The following NPAS3 variants were observed in gnomAD, a reference collection of about 807,000 sequenced individuals.
NPAS3 encodes the protein neuronal PAS domain-containing protein 3.
In NPAS3, 14 loss-of-function variants were observed where a neutral mutation model predicts 73.1. The ratio of observed to expected loss-of-function variants is 0.19; its 90% CI spans 0.13 to 0.30. The LOEUF is 0.30. Ranked by LOEUF, NPAS3 falls within the 10% of genes least tolerant of loss-of-function variation. The probability of loss-of-function intolerance (pLI) is 1.00; values close to 1 mark genes in which losing one functional copy is unlikely to be tolerated. For missense variants in NPAS3, 1,096 were observed against 1,250.0 expected (o/e 0.88, Z 1.86); for synonymous variants, 620 against 541.5 (o/e 1.14, Z -2.01).
chr14:33,177,239 G>A (rs2139416937), intron 2 of NPAS3, among the ~76,000 whole-genome samples: 1 of 151,868 alleles, frequency 6.6e-6, no homozygotes, highest in South Asian at 2.1e-4. Context: ...TGGGACCACA[G>A]ATGCCTGCCA....
At chr14:33,789,599 T>C (rs2063288136) in intron 9 of NPAS3, among the ~76,000 whole-genome samples, 1 of 130,758 alleles carries the variant, frequency 7.6e-6, no homozygotes, top group Non-Finnish European at 1.6e-5. Flanking sequence ...TTTTTTTTTT[T>C]TTTTTTTGAG....
At chr14:33,539,828 T>C (rs1279024732) in intron 4 of NPAS3, among the ~76,000 whole-genome samples, 2 of 152,212 alleles carry the variant, frequency 1.3e-5, no homozygotes, top group Non-Finnish European at 2.9e-5. Flanking sequence ...ATAAGGTCAC[T>C]GTTTGGGGGG....
chr14:33,454,137 G>A (rs1450750605), intron 4 of NPAS3, among the ~76,000 whole-genome samples: 1 of 152,034 alleles, frequency 6.6e-6, no homozygotes, highest in African/African-American at 2.4e-5. Context: ...GTTATTGCCT[G>A]GCTTTTTACC....
At chr14:33,131,303 T>C (rs2043625998) in intron 2 of NPAS3, among the ~76,000 whole-genome samples, 1 of 152,188 alleles carries the variant, frequency 6.6e-6, no homozygotes. Context: ...TTAGCTTTAT[T>C]CTAGATTTAT....
chr14:33,381,916 G>A (rs1315151), intron 4 of NPAS3, among the ~76,000 whole-genome samples: 77,248 of 151,914 alleles, frequency 0.51, 20,206 homozygotes, highest in Non-Finnish European at 0.56. Flanking sequence ...TTCCATAGCC[G>A]GTGGGCTGTA....
chr14:33,291,426 T>G (rs1459107848), intron 3 of NPAS3, among the ~76,000 whole-genome samples: 2 of 152,178 alleles, frequency 1.3e-5, no homozygotes, highest in African/African-American at 2.4e-5. Context: ...AAACAAGCAG[T>G]CTGTCATTAA....
At chr14:33,290,007 T>A (rs1321363553) in intron 3 of NPAS3, among the ~76,000 whole-genome samples, 2 of 152,012 alleles carry the variant, frequency 1.3e-5, no homozygotes, top group African/African-American at 2.4e-5. Flanking sequence ...TTTAGGGAGG[T>A]GGAGTTAGAA....
In NPAS3 at chr14:33,012,609, C is replaced by T. The variant is rs377622897; in HGVS notation, c.51-43296C>T. 4.0e-5 allele frequency among the ~76,000 whole-genome samples: 6 copies of T among 151,260 alleles called. No homozygotes were observed. In the South Asian group the frequency reaches 8.4e-4, roughly 21 times the overall value. On this transcript the variant is annotated intron_variant, in intron 1 of 11. Transcript: ENST00000356141. ...TCTCGCCTGGGCTGGAGTACAGTGG[C>T]GCGATCTCGGCTCACTGCAACCTCC...
chr14:33,157,282 C>T (rs530309233), intron 2 of NPAS3, among the ~76,000 whole-genome samples: 2 of 152,278 alleles, frequency 1.3e-5, no homozygotes, highest in South Asian at 4.1e-4. Context: ...CAAAATCCTG[C>T]CTAAACACAG....
At chr14:33,260,008 G>A (rs751263635) in intron 3 of NPAS3, among the ~76,000 whole-genome samples, 8 of 152,106 alleles carry the variant, frequency 5.3e-5, no homozygotes, top group South Asian at 2.1e-4. Flanking sequence ...GATCAAATGG[G>A]CCAGGTGGTC....
In NPAS3 at chr14:33,508,927, C is replaced by G. The variant is rs78079317; in HGVS notation, c.469-51194C>G. ...CCCATGGGAGCCCTTAGCTGCCCTG[C>G]GGTCTCTGGCATGAGGTCTCTGTTC... On this transcript the variant is annotated intron_variant, in intron 4 of 11. Transcript: ENST00000356141. Among the ~76,000 whole-genome samples, 621 of 152,050 alleles carry G rather than the reference C, an allele frequency of 4.1e-3. 2 individuals carry two copies. Among genetic ancestry groups the G allele is most frequent in the Non-Finnish European group, 5.8e-3 (396 of 67,952 alleles).
At chr14:33,066,092 G>A (rs1465653977) in intron 2 of NPAS3, among the ~76,000 whole-genome samples, 1 of 152,102 alleles carries the variant, frequency 6.6e-6, no homozygotes, top group East Asian at 1.9e-4. Context: ...ACTTCCAGGG[G>A]AAGCAGCATG....
At chr14:33,670,486 G>A (rs1422899259) in intron 5 of NPAS3, among the ~76,000 whole-genome samples, 3 of 152,284 alleles carry the variant, frequency 2.0e-5, no homozygotes, top group Non-Finnish European at 4.4e-5. Context: ...GTGGAGTTCT[G>A]CAATATGTAG....
chr14:33,660,598 G>A (rs548623289), intron 5 of NPAS3, among the ~76,000 whole-genome samples: 14 of 152,256 alleles, frequency 9.2e-5, no homozygotes, highest in Admixed American at 3.9e-4. Context: ...ATTCTGTCCC[G>A]CTAGATGCAG....
At chr14:33,536,125 C>T (rs1179193262) in intron 4 of NPAS3, among the ~76,000 whole-genome samples, 2 of 152,112 alleles carry the variant, frequency 1.3e-5, no homozygotes. Flanking sequence ...CAGAACTAAG[C>T]GTTCACCTCC....
intron 1 of NPAS3, among the ~76,000 whole-genome samples, chr14:32,989,562 T>A (rs928228700): frequency 1.3e-5 from 2 of 151,830 alleles, no homozygotes; most frequent in African/African-American, 4.8e-5. Flanking sequence ...GAGAATGGCG[T>A]GAACCCCAGG....
At chr14:33,031,990 C>A (rs965878786) in intron 1 of NPAS3, among the ~76,000 whole-genome samples, 1 of 152,224 alleles carries the variant, frequency 6.6e-6, no homozygotes, top group Non-Finnish European at 1.5e-5. Context: ...AAATCAGATG[C>A]TGTGACAGTA....
intron 4 of NPAS3, among the ~76,000 whole-genome samples, chr14:33,430,339 T>C (rs1056197882): frequency 6.6e-6 from 1 of 151,830 alleles, no homozygotes; most frequent in Non-Finnish European, 1.5e-5. Flanking sequence ...TTCCTAGGAG[T>C]AGAGAATAAA....
intron 4 of NPAS3, among the ~76,000 whole-genome samples, chr14:33,454,706 G>A (rs1027941675): frequency 1.3e-5 from 2 of 152,150 alleles, no homozygotes; most frequent in African/African-American, 2.4e-5. Flanking sequence ...CAGGGGATTC[G>A]GGAAATAAAC....
Sources: gnomAD v4.1 joint callset for allele counts (sites outside exome capture counted in the v4.1 genomes callset) on GRCh38, gnomAD v4.1.1 for gene constraint, MANE v1.5 for transcripts, NCBI Gene and HGNC (gene_info 2026-07-23, HGNC 2026-07-21) for gene names.